STK26: variants seen among roughly 807,000 people sequenced by gnomAD.
The protein encoded by STK26 is serine/threonine-protein kinase 26.
In STK26, 14 loss-of-function variants were observed where a neutral mutation model predicts 34.7. The ratio of observed to expected loss-of-function variants is 0.40; its 90% CI spans 0.27 to 0.63. The LOEUF is 0.63. STK26 is among the 30% of genes least tolerant of loss of function. STK26 has a pLI of 0.38. For synonymous variants in STK26, 100 were observed against 109.8 expected, an observed-to-expected ratio of 0.91 and a Z score of 0.56; for missense variants, 226 against 309.1, an observed-to-expected ratio of 0.73 and a Z score of 2.02.
rs192095284 is a variant in STK26, at chrX:132,059,038, A to G, written c.273+4177A>G. On this transcript the variant is annotated intron_variant, in intron 3 of 11. Transcript: ENST00000394334. ...AAATTGACCAACTCATTTATTTTCC[A>G]TTTATATTACAACATAGTATGACTG... Among the ~76,000 whole-genome samples the G allele has an allele frequency of 6.0e-3, 670 of 111,925 alleles. 4 individuals are homozygous for G. Among genetic ancestry groups the G allele is most frequent in the African/African-American group, 0.02 (629 of 30,835 alleles).
intron 2 of STK26, among the ~76,000 whole-genome samples, chrX:132,041,189 C>T (rs1179615952): frequency 9.0e-6 from 1 of 111,256 alleles, no homozygotes; most frequent in Non-Finnish European, 1.9e-5. Flanking sequence ...TGCCTACTAG[C>T]CTGACCAGAA....
Position 132,068,261 on chromosome X carries a change from A to G in STK26, c.377A>G (p.Lys126Arg), listed in dbSNP as rs375206609. The change falls in exon 5 of 12, where the codon AAG (lysine) becomes AGG (arginine). Residue 126 changes from lysine to arginine, a missense_variant. Physicochemically the swap from Lys to Arg is conservative, Grantham distance 26 (BLOSUM62 2). Around this residue, in one of 2 missense-constraint regions of STK26, gnomAD observed 100 missense variants for 176.7 expected, o/e 0.57. Transcript: ENST00000394334. ...GAGTTCCAGATTGCTACCATGCTAA[A>G]GGAAATTTTAAAAGGTCTGGACTAT... ...FDEFQIATMLKEILKGLDYLH... is the reference protein window; with the variant it reads ...FDEFQIATMLREILKGLDYLH... 1.5e-5 allele frequency: 18 copies of G among 1,206,486 alleles called. No homozygotes were observed. The highest frequency in any genetic ancestry group is 2.0e-5 in the Non-Finnish European group (18 of 894,020).
chrX:132,064,996 A>G (rs922892102), intron 4 of STK26, among the ~76,000 whole-genome samples: 2 of 111,916 alleles, frequency 1.8e-5, no homozygotes, highest in African/African-American at 6.5e-5. Flanking sequence ...AAACCATTTT[A>G]AAGAAATGGT....
chrX:132,047,657 AT>A (rs1428443577), intron 2 of STK26, among the ~76,000 whole-genome samples: 10 of 111,799 alleles, frequency 8.9e-5, no homozygotes, highest in Non-Finnish European at 3.8e-5. Flanking sequence ...GGAAAAAAAA[AT>A]AGTCTGAGAA....
chrX:132,069,675 T>C lies in STK26; in HGVS notation c.783+12T>C. On this transcript the variant is annotated intron_variant, in intron 7 of 11. Transcript: ENST00000394334. ...AAGATCCATCATTTGTGAGTATATA[T>C]TGCTATTATTACTATTTGTTTTCTA... 1 of 1,025,752 alleles carries C rather than the reference T, an allele frequency of 9.7e-7. No individual in the cohort carries two copies. Among genetic ancestry groups the C allele is most frequent in the Non-Finnish European group, 1.3e-6 (1 of 789,349 alleles). 84.5% of individuals were successfully genotyped at this position (1,025,752 alleles called of 1,213,427 possible).
At position 132,044,772 on chromosome X, in the gene STK26, GATCTATATATATATTT is replaced by G. The variant is rs1926421260; in HGVS notation, c.43-9856_43-9841del. On this transcript the variant is annotated intron_variant, in intron 2 of 11. Transcript: ENST00000394334. ...ATATATATTTATATATATATAGAGAGATCTATATATATATTTATATATATAGAGAGAGATCTATATA... is the reference window on the plus strand; with the variant it reads ...ATATATATTTATATATATATAGAGAGATATATATAGAGAGAGATCTATATA... 1.1e-4 allele frequency among the ~76,000 whole-genome samples: 4 copies of G among 37,515 alleles called. 1 individual carries two copies. Among genetic ancestry groups the G allele is most frequent in the African/African-American group, 2.6e-4 (2 of 7,716 alleles). 32.6% of individuals were successfully genotyped at this position (37,515 alleles called of 115,157 possible). A position where few individuals can be genotyped will look rare whatever the true frequency, so the allele number is the denominator to read the frequency against.
chrX:132,024,112 G>A (rs948030753), intron 2 of STK26, among the ~76,000 whole-genome samples: 6 of 111,085 alleles, frequency 5.4e-5, no homozygotes, highest in African/African-American at 1.6e-4. Flanking sequence ...CGGCGGCGGC[G>A]GCTTGAATTG....
At chrX:132,058,229 CAT>C (rs1491203443) in intron 3 of STK26, among the ~76,000 whole-genome samples, 1 of 107,068 alleles carries the variant, frequency 9.3e-6, no homozygotes, top group East Asian at 2.9e-4. Context: ...CTTGGTGGTA[CAT>C]GTGTGTGTGT....
chrX:132,024,000 G>T (rs772664936), intron 2 of STK26, among the ~76,000 whole-genome samples: 33 of 111,238 alleles, frequency 3.0e-4, no homozygotes, highest in African/African-American at 6.5e-4. Context: ...GGGAGAGATG[G>T]AAGTGCCTTG....
intron 2 of STK26, among the ~76,000 whole-genome samples, chrX:132,051,924 C>T (rs914053011): frequency 2.7e-5 from 3 of 110,801 alleles, no homozygotes; most frequent in African/African-American, 9.9e-5. Context: ...AGGACATGCA[C>T]TCATCCTTTT....
intron 4 of STK26, 21 bp from the exon 5 acceptor site, chrX:132,068,194 G>A (rs1159013206): frequency 1.8e-6 from 2 of 1,131,022 alleles, no homozygotes; most frequent in South Asian, 1.9e-5. Context: ...GTGTATGTGT[G>A]TGTGTGTTTT....
intron 2 of STK26, among the ~76,000 whole-genome samples, chrX:132,030,874 G>T (rs1925806878): frequency 9.0e-6 from 1 of 110,815 alleles, no homozygotes; most frequent in African/African-American, 3.3e-5. Flanking sequence ...CTAAAATTTT[G>T]ACCCCTTCTT....
chrX:132,050,670 TAGA>T (rs1326840755), intron 2 of STK26, among the ~76,000 whole-genome samples: 2 of 112,187 alleles, frequency 1.8e-5, no homozygotes, highest in Admixed American at 1.9e-4. Context: ...GACATATCCT[TAGA>T]AGAAGTATTG....
chrX:132,053,757 T>C (rs1643170763), intron 2 of STK26, among the ~76,000 whole-genome samples: 1 of 111,948 alleles, frequency 8.9e-6, no homozygotes, highest in African/African-American at 3.2e-5. Flanking sequence ...TGATCAGCAG[T>C]ATATTTTCAG....
rs145082590 is a variant in STK26 at position 132,072,357 on chromosome X, G to T, written c.1022G>T (p.Gly341Val). Residue 341 changes from glycine (G) to valine (V), a missense_variant, in exon 9 of 12, where the codon GGG becomes GTG. Gly to Val is a moderately radical substitution (Grantham distance 109, BLOSUM62 -3). Coordinates refer to ENST00000394334, the MANE Select transcript of STK26 (RefSeq NM_016542.4). The part of the protein sequence containing the change: ...KKPDPKKVQN[G>V]AEQDLVQTLS... ...CCTGATCCAAAGAAAGTACAGAATGGGGCAGTATGTATATGGAGACAATTA... is the reference window on the plus strand; with the variant it reads ...CCTGATCCAAAGAAAGTACAGAATGTGGCAGTATGTATATGGAGACAATTA... The T allele has an allele frequency of 4.2e-6, 5 of 1,190,903 alleles. No homozygotes were observed. Among genetic ancestry groups the T allele is most frequent in the Non-Finnish European group, 4.6e-6 (4 of 877,528 alleles).
At chrX:132,053,705 T>C (rs748828607) in intron 2 of STK26, among the ~76,000 whole-genome samples, 1 of 111,971 alleles carries the variant, frequency 8.9e-6, no homozygotes, top group South Asian at 3.7e-4. Context: ...AATAAAGCAC[T>C]TAATGTGCTT....
At chrX:132,030,885 T>G (rs756198734) in intron 2 of STK26, among the ~76,000 whole-genome samples, 30 of 111,356 alleles carry the variant, frequency 2.7e-4, no homozygotes, top group Admixed American at 1.7e-3. Context: ...ACCCCTTCTT[T>G]TTTTCTTTTA....
At position 132,023,608 on chromosome X, in the gene STK26, A is replaced by T. The variant is rs1426626046; in HGVS notation, c.-10A>T. On this transcript the variant is annotated 5_prime_UTR_variant, in exon 2 of 12. Transcript: ENST00000394334. ...CGCCGCAGAAGCGGAGCGAGGCAGC[A>T]TTCGCCTCCATGGCCCACTCGCCGG... 1 of 1,172,383 alleles carries T rather than the reference A, an allele frequency of 8.5e-7. No homozygotes were observed. The highest frequency in any genetic ancestry group is 2.5e-5 in the Admixed American group (1 of 39,674).
chrX:132,023,583 C>T lies in STK26; in HGVS notation c.-35C>T. 2.6e-6 allele frequency: 3 copies of T among 1,168,287 alleles called. No homozygotes were observed. The highest frequency in any genetic ancestry group is 1.9e-5 in the South Asian group (1 of 52,881). On this transcript the variant is annotated 5_prime_UTR_variant, in exon 2 of 12. Transcript: ENST00000394334. ...AGCCAGTCCGAACCCAAGGCGCCAC[C>T]GCCGCAGAAGCGGAGCGAGGCAGCA...
Sources: allele counts gnomAD v4.1 joint callset (sites outside exome capture counted in the v4.1 genomes callset), GRCh38; gene constraint gnomAD v4.1.1; regional missense constraint gnomAD v4.1.1; transcripts MANE v1.5; gene names NCBI Gene and HGNC (gene_info 2026-07-23, HGNC 2026-07-21).